GLI2: variants seen among roughly 807,000 people sequenced by gnomAD.
The protein encoded by GLI2 is transcription activator GLI2.
In GLI2, 22 loss-of-function variants were observed where a neutral mutation model predicts 78.9. The observed-to-expected ratio is 0.28, with a 90% CI of 0.20 to 0.40. The LOEUF is 0.40. Among genes scored for constraint, GLI2 ranks in the 10% least tolerant of loss-of-function variants. The pLI, the probability that GLI2 is intolerant of heterozygous loss-of-function variation, is 1.00. For missense variants in GLI2, 2,097 were observed against 2,213.2 expected, an observed-to-expected ratio of 0.95 and a Z score of 1.05; for synonymous variants, 974 against 963.7, an observed-to-expected ratio of 1.01 and a Z score of -0.20.
At chr2:120,837,300 A>G (rs1488939689) in intron 2 of GLI2, among the ~76,000 whole-genome samples, 2 of 150,554 alleles carry the variant, frequency 1.3e-5, no homozygotes, top group Non-Finnish European at 3.0e-5. Flanking sequence ...AGGCTGAGGC[A>G]GGAGAATGGC....
intron 2 of GLI2, among the ~76,000 whole-genome samples, chr2:120,823,028 G>A (rs1476813325): frequency 1.3e-5 from 2 of 151,644 alleles, no homozygotes; most frequent in African/African-American, 2.4e-5. Flanking sequence ...AGAGGTGGAT[G>A]TGAGAGGTGG....
At chr2:120,880,977 G>A (rs571318821) in intron 2 of GLI2, among the ~76,000 whole-genome samples, 2 of 152,152 alleles carry the variant, frequency 1.3e-5, no homozygotes, top group Admixed American at 6.5e-5. Context: ...GCCATCCTTC[G>A]AAGGCAGCAC....
At chr2:120,861,478 G>A (rs113788597) in intron 2 of GLI2, among the ~76,000 whole-genome samples, 4 of 152,148 alleles carry the variant, frequency 2.6e-5, no homozygotes, top group Admixed American at 6.5e-5. Flanking sequence ...AGTCGCCCAC[G>A]CTATAGTCAT....
intron 3 of GLI2, among the ~76,000 whole-genome samples, chr2:120,941,174 A>G (rs1250051400): frequency 3.3e-5 from 5 of 152,256 alleles, no homozygotes; most frequent in Non-Finnish European, 5.9e-5. Flanking sequence ...GAGAGTGCAG[A>G]TTGATAAAAG....
chr2:120,843,496 G>A (rs1686975796), intron 2 of GLI2, among the ~76,000 whole-genome samples: 1 of 152,218 alleles, frequency 6.6e-6, no homozygotes, highest in Non-Finnish European at 1.5e-5. Context: ...GGGTAACTGA[G>A]GTGCCGTTTA....
At chr2:120,792,864 G>T (rs376384275) in intron 1 of GLI2, among the ~76,000 whole-genome samples, 1 of 152,110 alleles carries the variant, frequency 6.6e-6, no homozygotes, top group Non-Finnish European at 1.5e-5. Context: ...CTCATGATCC[G>T]CCTGCCTCGG....
intron 2 of GLI2, among the ~76,000 whole-genome samples, chr2:120,842,967 A>G (rs1686955710): frequency 6.6e-6 from 1 of 152,198 alleles, no homozygotes; most frequent in Non-Finnish European, 1.5e-5. Context: ...TTGGGGAATC[A>G]TTCCCTGGGT....
chr2:120,888,555 G>T (rs974236288), intron 2 of GLI2, among the ~76,000 whole-genome samples: 1 of 152,088 alleles, frequency 6.6e-6, no homozygotes, highest in South Asian at 2.1e-4. Flanking sequence ...CACACAGGCC[G>T]TGAGGGCCAT....
intron 2 of GLI2, among the ~76,000 whole-genome samples, chr2:120,832,077 G>T (rs796257353): frequency 9.2e-5 from 14 of 152,304 alleles, no homozygotes; most frequent in African/African-American, 3.1e-4. Context: ...TGGTGGAGAG[G>T]AATCAGTGTG....
intron 2 of GLI2, among the ~76,000 whole-genome samples, chr2:120,882,842 A>G (rs1677219797): frequency 1.3e-5 from 2 of 152,000 alleles, no homozygotes; most frequent in Admixed American, 1.3e-4. Flanking sequence ...GAAGGTGTAA[A>G]TTACATATAG....
intron 3 of GLI2, among the ~76,000 whole-genome samples, chr2:120,949,199 G>A (rs541284636): frequency 4.6e-5 from 7 of 152,282 alleles, no homozygotes; most frequent in South Asian, 2.1e-4. Context: ...AGCAGCCCCC[G>A]CCTAGGCTAA....
chr2:120,908,189 G>C (rs991120314), intron 2 of GLI2, among the ~76,000 whole-genome samples: 18 of 152,180 alleles, frequency 1.2e-4, no homozygotes, highest in Non-Finnish European at 2.5e-4. Flanking sequence ...GTCACCCAGG[G>C]GTGACCCTTC....
intron 1 of GLI2, among the ~76,000 whole-genome samples, chr2:120,791,591 G>A (rs1327466135): frequency 2.6e-5 from 4 of 152,192 alleles, no homozygotes; most frequent in African/African-American, 9.7e-5. Flanking sequence ...TGTGATCAAG[G>A]CAGGGCACAT....
chr2:120,942,860 T>C (rs1680519852), intron 3 of GLI2, among the ~76,000 whole-genome samples: 1 of 9,144 alleles, frequency 1.1e-4, no homozygotes, highest in Non-Finnish European at 3.7e-3. Flanking sequence ...GTTCACGCCC[T>C]CTTTCATTCA....
intron 1 of GLI2, among the ~76,000 whole-genome samples, chr2:120,757,318 A>G (rs1485806822): frequency 2.0e-5 from 3 of 150,804 alleles, no homozygotes; most frequent in East Asian, 1.9e-4. Context: ...TTGTCTTACT[A>G]TAAATATTCT....
At chr2:120,776,355 C>G (rs1683677151) in intron 1 of GLI2, among the ~76,000 whole-genome samples, 1 of 152,174 alleles carries the variant, frequency 6.6e-6, no homozygotes, top group South Asian at 2.1e-4. Context: ...CAAAGGGAGG[C>G]CCAGTGGGCT....
rs192716560 is a variant in GLI2, at chr2:120,919,568, G to T, written c.149-7793G>T. Among the ~76,000 whole-genome samples the T allele has an allele frequency of 5.7e-3, 861 of 152,356 alleles. 6 individuals are homozygous for T. The highest frequency in any genetic ancestry group is 0.018 in the African/African-American group (753 of 41,584). On this transcript the variant is annotated intron_variant, in intron 2 of 13. Transcript: ENST00000361492. ...ACAGGGCATGGGGACCTATGGTCCT[G>T]ACACGGGGCCCACCCGGTGGGTGCA...
At chr2:120,846,932 G>A (rs1244677629) in intron 2 of GLI2, among the ~76,000 whole-genome samples, 1 of 152,194 alleles carries the variant, frequency 6.6e-6, no homozygotes, top group Non-Finnish European at 1.5e-5. Flanking sequence ...GCAGCTCCTG[G>A]GAGCAAGCAT....
chr2:120,893,903 A>G (rs1396264851), intron 2 of GLI2, among the ~76,000 whole-genome samples: 2 of 152,114 alleles, frequency 1.3e-5, no homozygotes, highest in Non-Finnish European at 2.9e-5. Context: ...CATAAACCCG[A>G]GTAATGACCC....
Sources: gnomAD v4.1 joint callset for allele counts (sites outside exome capture counted in the v4.1 genomes callset) on GRCh38, gnomAD v4.1.1 for gene constraint, MANE v1.5 for transcripts, NCBI Gene and HGNC (gene_info 2026-07-23, HGNC 2026-07-21) for gene names.